Variants in HHLA2 observed in about 807,000 individuals in gnomAD.
HHLA2 encodes HERV-H LTR-associating protein 2.
Under a neutral mutation model 45.9 loss-of-function variants are expected in HHLA2, and 48 were observed. That is an observed-to-expected ratio of 1.05 (90% CI 0.83 to 1.33). HHLA2 has a LOEUF of 1.33. HHLA2 is among the 40% of genes most tolerant of loss of function. The pLI, the probability that HHLA2 is intolerant of heterozygous loss-of-function variation, is 0.00. For missense variants in HHLA2, 462 were observed against 494.3 expected (o/e 0.93, Z 0.62); for synonymous variants, 161 against 173.9 (o/e 0.93, Z 0.59).
At position 108,353,441 on chromosome 3, in the gene HHLA2, G is replaced by T. The variant is rs558884475; in HGVS notation, c.79G>T (p.Ala27Ser). The T allele has an allele frequency of 4.2e-5, 66 of 1,575,734 alleles. No homozygotes were observed. The Admixed American group carries it at 5.0e-4, about 12-fold the overall frequency. The change falls in exon 5 of 11, where the codon GCT (alanine) becomes TCT (serine). Residue 27 changes from alanine (A) to serine (S), a missense_variant. By Grantham distance (99) the Ala-to-Ser change is moderately conservative. Coordinates refer to ENST00000619531, the Ensembl canonical transcript of HHLA2. ...CTTGACTGTAGGCATATTCCCTTTG[G>T]CTTTCTTCATTTATGTTCCTATGAA...
intron 7 of HHLA2, among the ~76,000 whole-genome samples, chr3:108,360,714 C>T (rs891732740): frequency 3.5e-4 from 53 of 152,168 alleles, no homozygotes; most frequent in African/African-American, 1.0e-3. Flanking sequence ...CTCAGAATGG[C>T]ACACAATTTA....
intron 8 of HHLA2, among the ~76,000 whole-genome samples, chr3:108,370,351 G>A (rs989095154): frequency 6.6e-6 from 1 of 151,986 alleles, no homozygotes; most frequent in African/African-American, 2.4e-5. Context: ...AAAGACCAAA[G>A]GTAGATAAAA....
intron 8 of HHLA2, among the ~76,000 whole-genome samples, chr3:108,370,853 G>A (rs2082157483): frequency 6.6e-6 from 1 of 152,210 alleles, no homozygotes. Flanking sequence ...ACGTCTGATT[G>A]GTGTACCTGA....
intron 7 of HHLA2, among the ~76,000 whole-genome samples, chr3:108,361,016 C>T (rs1377103165): frequency 1.3e-5 from 2 of 152,152 alleles, no homozygotes; most frequent in Non-Finnish European, 2.9e-5. Flanking sequence ...TTGCTGCCCT[C>T]GTTTTAGCAG....
At chr3:108,350,832 A>G (rs2081762791) in intron 3 of HHLA2, among the ~76,000 whole-genome samples, 1 of 152,038 alleles carries the variant, frequency 6.6e-6, no homozygotes, top group Non-Finnish European at 1.5e-5. Context: ...CTACAGGCAC[A>G]TGCCACCACA....
rs750895763 is a variant in HHLA2 at position 108,358,197 on chromosome 3, C to T, written c.1003+36C>T. ...AGTAGGTTTGGATAATGGGTTTTGG[C>T]TGTAGCATTAGAGGTTTGTGAATAT... On this transcript the variant is annotated intron_variant, in intron 7 of 10. Transcript: ENST00000619531. 33 of 1,472,566 alleles carry T rather than the reference C, an allele frequency of 2.2e-5. 1 individual carries two copies. In the Admixed American group the frequency reaches 3.7e-4, roughly 16 times the overall value. 91.2% of individuals were successfully genotyped at this position (1,472,566 alleles called of 1,614,324 possible). A position where few individuals can be genotyped will look rare whatever the true frequency, so the allele number is the denominator to read the frequency against.
chr3:108,373,578 CTCA>C (rs1163205701), intron 8 of HHLA2, among the ~76,000 whole-genome samples: 1 of 152,158 alleles, frequency 6.6e-6, no homozygotes, highest in Non-Finnish European at 1.5e-5. Context: ...TCTAGAAAAC[CTCA>C]TCGTCTCAGC....
chr3:108,335,448 T>C (rs192815032), intron 3 of HHLA2, among the ~76,000 whole-genome samples: 33 of 152,314 alleles, frequency 2.2e-4, no homozygotes, highest in Admixed American at 1.1e-3. Flanking sequence ...CTGACAGGGC[T>C]AACCCTAAAA....
At chr3:108,376,497 A>T in exon 10 of HHLA2, 1 of 1,601,096 alleles carries the variant, frequency 6.2e-7, no homozygotes, top group East Asian at 2.2e-5. Context: ...CTGTAGAAAG[A>T]TGTTGTGTCC....
intron 8 of HHLA2, among the ~76,000 whole-genome samples, chr3:108,372,509 A>G (rs1161758515): frequency 5.6e-5 from 2 of 35,628 alleles, no homozygotes; most frequent in Non-Finnish European, 2.0e-4. Flanking sequence ...AGACACAAAA[A>G]ACCCTTCAAA....
At chr3:108,368,204 G>A (rs905163977) in intron 8 of HHLA2, among the ~76,000 whole-genome samples, 2 of 151,794 alleles carry the variant, frequency 1.3e-5, no homozygotes, top group African/African-American at 4.8e-5. Flanking sequence ...AGCTCCTGAA[G>A]GAAGCACTAA....
At chr3:108,376,706 G>A (rs868318603) in intron 10 of HHLA2, 149 bp downstream of exon 9, 8 of 579,280 alleles carry the variant, frequency 1.4e-5, no homozygotes, top group South Asian at 2.2e-5. Context: ...AATATAGCAC[G>A]AAAAATATAA....
intron 2 of HHLA2, among the ~76,000 whole-genome samples, chr3:108,327,322 T>G (rs931971615): frequency 3.3e-5 from 5 of 152,204 alleles, no homozygotes; most frequent in Non-Finnish European, 7.4e-5. Context: ...TTATCTTGTT[T>G]GAGGTTTATA....
chr3:108,301,251 G>T (rs546815762), intron 1 of HHLA2, among the ~76,000 whole-genome samples: 22 of 152,204 alleles, frequency 1.4e-4, no homozygotes, highest in African/African-American at 4.3e-4. Flanking sequence ...TGCTTTTAGT[G>T]TTGCATGCTC....
intron 2 of HHLA2, chr3:108,326,162 C>A: frequency 4.2e-6 from 1 of 238,950 alleles, no homozygotes; most frequent in East Asian, 1.1e-4. Context: ...GTTACCTGGT[C>A]TCTGAAGTTC....
chr3:108,319,118 G>A (rs2081153826), intron 2 of HHLA2, among the ~76,000 whole-genome samples: 2 of 151,930 alleles, frequency 1.3e-5, no homozygotes, highest in Admixed American at 6.6e-5. Flanking sequence ...GGTACCTTAG[G>A]AACATGCCTT....
intron 6 of HHLA2, among the ~76,000 whole-genome samples, chr3:108,357,207 G>A (rs2081909619): frequency 6.6e-6 from 1 of 152,092 alleles, no homozygotes; most frequent in South Asian, 2.1e-4. Context: ...TAGAGCCAGG[G>A]GGAACAGTCC....
At chr3:108,347,526 A>G (rs2081687406) in intron 3 of HHLA2, among the ~76,000 whole-genome samples, 1 of 152,160 alleles carries the variant, frequency 6.6e-6, no homozygotes, top group South Asian at 2.1e-4. Flanking sequence ...TTTGGATCTT[A>G]CATTAGGTGT....
chr3:108,316,595 A>G (rs1164416816), intron 2 of HHLA2, among the ~76,000 whole-genome samples: 1 of 152,196 alleles, frequency 6.6e-6, no homozygotes, highest in African/African-American at 2.4e-5. Flanking sequence ...ACCTTGGAAG[A>G]GAAGGGCCCA....
Sources: allele counts gnomAD v4.1 joint callset (sites outside exome capture counted in the v4.1 genomes callset), GRCh38; gene constraint gnomAD v4.1.1; transcripts MANE v1.5; gene names NCBI Gene and HGNC (gene_info 2026-07-23, HGNC 2026-07-21).